The following ZNF184 variants were observed in gnomAD, a reference collection of about 807,000 sequenced individuals.
ZNF184 encodes zinc finger protein 184 (Kruppel-like).
ZNF184 carries 16 observed loss-of-function variants against 54.4 expected under a neutral mutation model. The observed-to-expected ratio is 0.29, with a 90% CI of 0.20 to 0.45. The LOEUF (loss-of-function observed/expected upper bound fraction) is 0.45, where lower values mean the gene tolerates loss of function less well. ZNF184 is among the 20% of genes least tolerant of loss of function. The probability of loss-of-function intolerance (pLI) is 1.00; values close to 1 mark genes in which losing one functional copy is unlikely to be tolerated. For missense variants in ZNF184, 681 were observed against 888.2 expected, an observed-to-expected ratio of 0.77 and a Z score of 2.97; for synonymous variants, 254 against 295.3, an observed-to-expected ratio of 0.86 and a Z score of 1.43.
the ZNF184 span, among the ~76,000 whole-genome samples, chr6:27,441,657 G>C: frequency 6.6e-6 from 1 of 152,150 alleles, no homozygotes; most frequent in African/African-American, 2.4e-5. Context: ...TTAAAAATGA[G>C]ATAAAGCATG....
Position 27,451,224 on chromosome 6 carries a change from C to T in ZNF184, c.*79G>A. 2.0e-6 allele frequency: 3 copies of T among 1,465,318 alleles called. No homozygotes were observed. Among genetic ancestry groups the T allele is most frequent in the Non-Finnish European group, 2.7e-6 (3 of 1,097,694 alleles). 90.8% of individuals were successfully genotyped at this position (1,465,318 alleles called of 1,614,324 possible). A position where few individuals can be genotyped will look rare whatever the true frequency, so the allele number is the denominator to read the frequency against. ...AAGATTTCAAGGCAGTTTCTAAATC[C>T]ACTCTGATTCTTCAGTACTTAACAA... On this transcript the variant is annotated 3_prime_UTR_variant, in exon 6 of 6. Transcript: ENST00000683788.
At chr6:27,421,539 C>G in the ZNF184 span, among the ~76,000 whole-genome samples, 5 of 152,188 alleles carry the variant, frequency 3.3e-5, no homozygotes, top group Admixed American at 2.6e-4. Flanking sequence ...TATGAAGTAT[C>G]TGTCCACGTA....
the ZNF184 span, among the ~76,000 whole-genome samples, chr6:27,427,369 A>G: frequency 2.0e-5 from 3 of 152,180 alleles, no homozygotes; most frequent in Non-Finnish European, 4.4e-5. Flanking sequence ...TGGTAAAGCT[A>G]TTCTTCCTGG....
At chr6:27,437,766 A>G in the ZNF184 span, among the ~76,000 whole-genome samples, 40 of 152,342 alleles carry the variant, frequency 2.6e-4, no homozygotes, top group East Asian at 6.9e-3. Flanking sequence ...AATATGAAGC[A>G]ATCTTCAAGG....
chr6:27,457,347 G>A lies in ZNF184; in HGVS notation c.138C>T (p.Asp46=). 1 of 1,613,958 alleles carries A rather than the reference G, an allele frequency of 6.2e-7. No individual in the cohort carries two copies. ...CCCTGAACAAATCTCTCTGGCCAGG[G>A]TCCAGCTGTTTCCATTCTTCCTGGG... ...DFTQEEWKQL[D]PGQRDLFRDV... Residue 46 remains aspartate (D), a synonymous_variant, in exon 4 of 6, where the codon GAC becomes GAT. Transcript: ENST00000683788.
the ZNF184 span, among the ~76,000 whole-genome samples, chr6:27,423,137 C>T: frequency 6.6e-6 from 1 of 152,208 alleles, no homozygotes; most frequent in Non-Finnish European, 1.5e-5. Flanking sequence ...ACTACAATTC[C>T]CAGAAATCTC....
the ZNF184 span, among the ~76,000 whole-genome samples, chr6:27,439,252 G>C: frequency 6.6e-6 from 1 of 152,196 alleles, no homozygotes; most frequent in South Asian, 2.1e-4. Flanking sequence ...ACTATCTGTA[G>C]TTTCCCTTTC....
chr6:27,435,829 T>C, the ZNF184 span, among the ~76,000 whole-genome samples: 1 of 152,164 alleles, frequency 6.6e-6, no homozygotes, highest in Non-Finnish European at 1.5e-5. Flanking sequence ...TCTCTCCCGC[T>C]ACCTGCATTC....
the ZNF184 span, among the ~76,000 whole-genome samples, chr6:27,445,217 G>A: frequency 3.9e-5 from 6 of 152,130 alleles, no homozygotes; most frequent in South Asian, 1.2e-3. Flanking sequence ...CCTGTCTGCA[G>A]CAAAGTGGGT....
At chr6:27,425,195 C>T in the ZNF184 span, among the ~76,000 whole-genome samples, 1 of 152,228 alleles carries the variant, frequency 6.6e-6, no homozygotes, top group African/African-American at 2.4e-5. Flanking sequence ...CCCTGGTTCC[C>T]GCTCGCGCCT....
the ZNF184 span, among the ~76,000 whole-genome samples, chr6:27,412,635 T>G: frequency 1.3e-5 from 2 of 152,236 alleles, no homozygotes; most frequent in South Asian, 4.1e-4. Context: ...GACCATGGCC[T>G]GTGACACAGC....
rs1277748783 is a variant in ZNF184, at chr6:27,467,846, A to G, written c.75+7T>C. The G allele has an allele frequency of 1.9e-6, 3 of 1,608,290 alleles. No homozygotes were observed. In the South Asian group the frequency reaches 3.3e-5, roughly 18 times the overall value. ...ATAAAATGGCATTTCAAGAAACCAC[A>G]TCTTACCTGAAAACTGGCTGATGAG... On this transcript the variant is annotated splice_region_variant and intron_variant, in intron 3 of 5. Coordinates refer to ENST00000683788, the MANE Select transcript of ZNF184 (RefSeq NM_001318891.2).
intron 2 of ZNF184, among the ~76,000 whole-genome samples, chr6:27,470,406 TA>T (rs1302207613): frequency 1.3e-5 from 2 of 152,164 alleles, no homozygotes; most frequent in African/African-American, 2.4e-5. Flanking sequence ...TTTCATTTTG[TA>T]AAAAATGTAT....
chr6:27,421,020 T>C, the ZNF184 span, among the ~76,000 whole-genome samples: 2 of 152,226 alleles, frequency 1.3e-5, no homozygotes, highest in Non-Finnish European at 2.9e-5. Context: ...TGGTTCTAAC[T>C]ATATGACATT....
chr6:27,453,350 T>C lies in ZNF184; in HGVS notation c.299-90A>G, dbSNP rs1326669707. On this transcript the variant is annotated intron_variant, in intron 5 of 5. Transcript: ENST00000683788. The surrounding 1 kb of genome is among the most constrained non-coding windows in gnomAD (Gnocchi z 4.7). ...TAATATAATGATACTGAAAAATAAA[T>C]CTCTCAGAAAATTCTAATGGTTTTC... 1.6e-6 allele frequency: 2 copies of C among 1,288,100 alleles called. No individual in the cohort carries two copies. The highest frequency in any genetic ancestry group is 3.0e-5 in the African/African-American group (2 of 65,944). The allele number at this position is 1,288,100 out of a possible 1,614,324, so 79.8% of individuals were successfully genotyped here.
At chr6:27,444,302 C>G in the ZNF184 span, among the ~76,000 whole-genome samples, 1 of 152,076 alleles carries the variant, frequency 6.6e-6, no homozygotes, top group Non-Finnish European at 1.5e-5. Context: ...TTTTAACCAC[C>G]ATATTATTTA....
At chr6:27,460,483 G>T (rs1034136380) in intron 3 of ZNF184, among the ~76,000 whole-genome samples, 1 of 152,168 alleles carries the variant, frequency 6.6e-6, no homozygotes, top group Non-Finnish European at 1.5e-5. Context: ...GAAGTGATAC[G>T]GAGAGAAGGG....
In ZNF184 at chr6:27,451,741, T is replaced by C; in HGVS notation, c.1818A>G (p.Arg606=). 6.2e-7 allele frequency: 1 copy of C among 1,613,926 alleles called. No homozygotes were observed. The highest frequency in any genetic ancestry group is 8.5e-7 in the Non-Finnish European group (1 of 1,179,910). ...NQNIHLTQHK[R]IHTGAKPYEC... is the part of the protein sequence containing the mutation. ...CATAAGGCTTGGCTCCTGTATGAAT[T>C]CTCTTATGCTGTGTAAGGTGTATGT... is the stretch of plus-strand genomic sequence containing the variant. The change falls in exon 6 of 6, where the codon AGA becomes AGG. Residue 606 remains arginine (R), a synonymous_variant. Coordinates refer to ENST00000683788, the MANE Select transcript of ZNF184 (RefSeq NM_001318891.2).
At position 27,472,766 on chromosome 6, in the gene ZNF184, G is replaced by A. The variant is rs2272816; in HGVS notation, c.-177C>T. 0.65 allele frequency: 101,218 copies of A among 155,606 alleles called. 33,234 individuals carry two copies. The highest frequency in any genetic ancestry group is 0.75 in the Middle Eastern group (220 of 292). 9.6% of individuals were successfully genotyped at this position (155,606 alleles called of 1,614,324 possible). ...GTTAAAGCTGGAAGGTGGACAAACA[G>A]GGCGGGGCCCGGCACCCGACTTCCC... On this transcript the variant is annotated 5_prime_UTR_variant, in exon 1 of 6. Coordinates refer to ENST00000683788, the MANE Select transcript of ZNF184 (RefSeq NM_001318891.2). This position sits in a 1 kb window ranked among gnomAD's most constrained non-coding sequence, Gnocchi z 4.8.
Sources: allele counts gnomAD v4.1 joint callset (sites outside exome capture counted in the v4.1 genomes callset), GRCh38; gene constraint gnomAD v4.1.1; non-coding constraint Gnocchi (gnomAD v3.1); transcripts MANE v1.5; gene names NCBI Gene and HGNC (gene_info 2026-07-23, HGNC 2026-07-21).